Variants in GCLC observed in about 807,000 individuals in gnomAD.
GCLC encodes the protein glutamate--cysteine ligase catalytic subunit.
GCLC carries 30 observed loss-of-function variants against 81.5 expected under a neutral mutation model. That is an observed-to-expected ratio of 0.37 (90% CI 0.28 to 0.50). GCLC has a LOEUF of 0.50. GCLC is among the 20% of genes least tolerant of loss of function. GCLC has a pLI of 0.96. For missense variants in GCLC, 556 were observed against 777.4 expected, an observed-to-expected ratio of 0.72 and a Z score of 3.39; for synonymous variants, 262 against 273.3, an observed-to-expected ratio of 0.96 and a Z score of 0.41.
chr6:53,508,179 TG>T (rs1018107143), intron 8 of GCLC, among the ~76,000 whole-genome samples: 1 of 152,196 alleles, frequency 6.6e-6, no homozygotes, highest in Admixed American at 6.5e-5. Flanking sequence ...GCACACCCCT[TG>T]TTGGAGAGAT....
rs1405979052 is a variant in GCLC at position 53,498,401 on chromosome 6, A to G, written c.*355T>C. On this transcript the variant is annotated 3_prime_UTR_variant, in exon 16 of 16. Coordinates refer to ENST00000650454, the MANE Select transcript of GCLC (RefSeq NM_001498.4). ...AGTCTTTAAAAGAACAAAAATTTAC[A>G]GTAAACATTTTAACTCTGGAATGCA... 1.9e-5 allele frequency: 4 copies of G among 209,052 alleles called. No homozygotes were observed. Among genetic ancestry groups the G allele is most frequent in the Non-Finnish European group, 3.9e-5 (4 of 103,564 alleles). The allele number at this position is 209,052 out of a possible 1,614,324, so 12.9% of individuals were successfully genotyped here.
chr6:53,505,385 T>C lies in GCLC; in HGVS notation c.1395+7A>G, dbSNP rs373866004. 16 of 1,305,996 alleles carry C rather than the reference T, an allele frequency of 1.2e-5. No individual in the cohort carries two copies. The African/African-American group carries it at 1.7e-4, about 14-fold the overall frequency. 80.9% of individuals were successfully genotyped at this position (1,305,996 alleles called of 1,614,324 possible). On this transcript the variant is annotated splice_region_variant and intron_variant, in intron 12 of 15. Coordinates refer to ENST00000650454, the MANE Select transcript of GCLC (RefSeq NM_001498.4). ...ATACCCATCACCATAAAGAAACATA[T>C]CCTTACCTTTGACAGTGGAATGAGA...
At chr6:53,538,865 T>C (rs541494936) in intron 1 of GCLC, among the ~76,000 whole-genome samples, 3 of 152,336 alleles carry the variant, frequency 2.0e-5, no homozygotes, top group Admixed American at 2.0e-4. Context: ...TTAAATGTTG[T>C]TTTCTGACCC....
At chr6:53,527,182 A>C (rs1314383069) in intron 1 of GCLC, among the ~76,000 whole-genome samples, 1 of 152,154 alleles carries the variant, frequency 6.6e-6, no homozygotes, top group African/African-American at 2.4e-5. Context: ...CAAGGAGGGC[A>C]AGACAGTGAA....
At chr6:53,524,087 A>C (rs543596373) in intron 1 of GCLC, among the ~76,000 whole-genome samples, 4 of 152,392 alleles carry the variant, frequency 2.6e-5, no homozygotes, top group African/African-American at 7.2e-5. Flanking sequence ...GTTGAGTCTC[A>C]GAATGGGTAT....
chr6:53,512,429 A>G (rs1764772236), intron 6 of GCLC, among the ~76,000 whole-genome samples: 1 of 151,780 alleles, frequency 6.6e-6, no homozygotes, highest in South Asian at 2.1e-4. Context: ...CTAATGATAC[A>G]TAATAGATGT....
intron 6 of GCLC, chr6:53,513,360 T>C (rs1764792437): frequency 6.6e-6 from 1 of 152,278 alleles, no homozygotes; most frequent in South Asian, 2.1e-4. Context: ...CACAACTGGA[T>C]AAAATTTCCT....
At chr6:53,528,191 A>T (rs991108357) in intron 1 of GCLC, among the ~76,000 whole-genome samples, 1 of 152,224 alleles carries the variant, frequency 6.6e-6, no homozygotes, top group Non-Finnish European at 1.5e-5. Flanking sequence ...AGACTAAAAG[A>T]GGAGCTGTGT....
chr6:53,520,099 G>A (rs1561945096), intron 3 of GCLC, among the ~76,000 whole-genome samples: 5 of 152,120 alleles, frequency 3.3e-5, no homozygotes, highest in South Asian at 4.1e-4. Context: ...TGGCAGAAAT[G>A]TATTTTTACA....
chr6:53,544,647 G>T lies in GCLC; in HGVS notation c.-2C>A. On this transcript the variant is annotated 5_prime_UTR_variant, in exon 1 of 16. Transcript: ENST00000650454. ...CGAGCCCTGGGACAGCAGCCCCATG[G>T]CCGCCCCCTCCTCCTCCTCCTCCTC... The T allele has an allele frequency of 1.3e-6, 2 of 1,554,370 alleles. No individual in the cohort carries two copies. Among genetic ancestry groups the T allele is most frequent in the South Asian group, 2.2e-5 (2 of 89,248 alleles).
At chr6:53,517,712 C>T (rs1442439440) in intron 3 of GCLC, among the ~76,000 whole-genome samples, 1 of 152,072 alleles carries the variant, frequency 6.6e-6, no homozygotes, top group Non-Finnish European at 1.5e-5. Flanking sequence ...CTTGCATCTT[C>T]GGACACCTAC....
intron 3 of GCLC, among the ~76,000 whole-genome samples, chr6:53,520,189 T>C (rs924103336): frequency 4.6e-5 from 7 of 152,262 alleles, no homozygotes; most frequent in African/African-American, 9.6e-5. Context: ...TTTACTTTTA[T>C]GTACTTTTGG....
At position 53,541,307 on chromosome 6, in the gene GCLC, G is replaced by C. The variant is rs138315478; in HGVS notation, c.150+3189C>G. On this transcript the variant is annotated intron_variant, in intron 1 of 15. Coordinates refer to ENST00000650454, the MANE Select transcript of GCLC (RefSeq NM_001498.4). ...CAAGGGCGGGAGGTAGAACAAGCGC[G>C]GGGGAGACCAAGGTTTCACTGAAGT... Among the ~76,000 whole-genome samples the C allele has an allele frequency of 9.5e-3, 1,450 of 152,296 alleles. 19 individuals are homozygous for C. Among genetic ancestry groups the C allele is most frequent in the African/African-American group, 0.032 (1,336 of 41,560 alleles).
At chr6:53,530,848 T>A (rs1032031992) in intron 1 of GCLC, among the ~76,000 whole-genome samples, 3 of 151,036 alleles carry the variant, frequency 2.0e-5, no homozygotes, top group Non-Finnish European at 4.4e-5. Flanking sequence ...ATTACCACCA[T>A]CCCTTTCTCT....
chr6:53,544,613 G>A lies in GCLC; in HGVS notation c.33C>T (p.Ser11=), dbSNP rs111421368. Residue 11 remains serine, a synonymous_variant, in exon 1 of 16, where the codon AGC becomes AGT. Transcript: ENST00000650454. ...CGGCATGGCGCTTGGTTTCCTCCCA[G>A]CTCAGCGGCGAGCCCTGGGACAGCA... The part of the protein sequence containing the change: MGLLSQGSPL[S]WEETKRHADH... 2 of 1,601,968 alleles carry A rather than the reference G, an allele frequency of 1.2e-6. No individual in the cohort carries two copies. The highest frequency in any genetic ancestry group is 1.3e-5 in the African/African-American group (1 of 74,992).
intron 6 of GCLC, among the ~76,000 whole-genome samples, chr6:53,511,485 T>C (rs1764739950): frequency 6.6e-6 from 1 of 152,228 alleles, no homozygotes. Flanking sequence ...GTTTTTCAAC[T>C]GGCTTCTCTT....
intron 12 of GCLC, among the ~76,000 whole-genome samples, chr6:53,501,765 T>C (rs1454790750): frequency 6.6e-6 from 1 of 152,238 alleles, no homozygotes; most frequent in East Asian, 1.9e-4. Flanking sequence ...TGTGAACATC[T>C]GCTTTCATTA....
chr6:53,504,230 T>G (rs1207093606), intron 12 of GCLC, among the ~76,000 whole-genome samples: 1 of 151,864 alleles, frequency 6.6e-6, no homozygotes, highest in Non-Finnish European at 1.5e-5. Flanking sequence ...GCTTTTTTTT[T>G]TCAAGAGATG....
chr6:53,514,267 A>G lies in GCLC; in HGVS notation c.690T>C (p.Ala230=), dbSNP rs751568157. Residue 230 remains alanine (A), a synonymous_variant, in exon 6 of 16, where the codon GCT becomes GCC. Coordinates refer to ENST00000650454, the MANE Select transcript of GCLC (RefSeq NM_001498.4). ...TFTEDDEASR[A]SKPDHIYMDA... ...CCATGTAAATATGATCCGGCTTAGA[A>G]GCCCTTGAAGCTTCATCATCCTCAG... The G allele has an allele frequency of 3.7e-6, 6 of 1,611,256 alleles. No homozygotes were observed. The South Asian group carries it at 6.6e-5, about 18-fold the overall frequency.
Sources: allele counts gnomAD v4.1 joint callset (sites outside exome capture counted in the v4.1 genomes callset), GRCh38; gene constraint gnomAD v4.1.1; transcripts MANE v1.5; gene names NCBI Gene and HGNC (gene_info 2026-07-23, HGNC 2026-07-21).